KCNH1: variants seen among roughly 807,000 people sequenced by gnomAD.
The protein encoded by KCNH1 is voltage-gated delayed rectifier potassium channel KCNH1.
A neutral mutation model predicts 69.2 loss-of-function variants in KCNH1; 27 were observed. The observed-to-expected ratio is 0.39, with a 90% confidence interval of 0.29 to 0.54. KCNH1 has a LOEUF of 0.54. Ranked by LOEUF, KCNH1 falls within the 20% of genes least tolerant of loss-of-function variation. The probability of loss-of-function intolerance (pLI) is 0.68; values close to 1 mark genes in which losing one functional copy is unlikely to be tolerated. For missense variants in KCNH1, 798 were observed against 1,261.6 expected, an observed-to-expected ratio of 0.63 and a Z score of 5.57; for synonymous variants, 456 against 487.7, an observed-to-expected ratio of 0.93 and a Z score of 0.86.
intron 7 of KCNH1, among the ~76,000 whole-genome samples, chr1:210,836,071 C>T (rs1388200194): frequency 7.2e-6 from 1 of 138,856 alleles, no homozygotes; most frequent in Non-Finnish European, 1.5e-5. Context: ...AAGATTGCAC[C>T]ACTGCACTCC....
chr1:211,098,314 C>A, intron 3 of KCNH1, among the ~76,000 whole-genome samples: 1 of 134,446 alleles, frequency 7.4e-6, no homozygotes. Context: ...TAGCCAGACC[C>A]TGTCTTGAAA....
chr1:210,840,445 G>T (rs1164633480), intron 7 of KCNH1, among the ~76,000 whole-genome samples: 1 of 152,140 alleles, frequency 6.6e-6, no homozygotes, highest in African/African-American at 2.4e-5. Flanking sequence ...AACTGACTGG[G>T]GCTGCTTCGC....
intron 5 of KCNH1, among the ~76,000 whole-genome samples, chr1:211,069,628 G>C (rs887591817): frequency 1.1e-4 from 16 of 152,110 alleles, no homozygotes; most frequent in Non-Finnish European, 2.1e-4. Context: ...GAACACAGCT[G>C]AGGAAAGAAT....
At chr1:211,113,031 A>G (rs186181816) in intron 1 of KCNH1, among the ~76,000 whole-genome samples, 94 of 152,312 alleles carry the variant, frequency 6.2e-4, no homozygotes, top group Non-Finnish European at 1.0e-4. Context: ...AATGGGTACC[A>G]TTTATTGATA....
At chr1:210,933,516 TA>T (rs1291398112) in intron 6 of KCNH1, among the ~76,000 whole-genome samples, 1 of 120,642 alleles carries the variant, frequency 8.3e-6, no homozygotes, top group African/African-American at 2.9e-5. Flanking sequence ...AGTATAATAA[TA>T]ATAAAATTTA....
At chr1:210,889,517 C>A (rs928316187) in intron 7 of KCNH1, among the ~76,000 whole-genome samples, 1 of 152,212 alleles carries the variant, frequency 6.6e-6, no homozygotes, top group African/African-American at 2.4e-5. Context: ...CCCTCTCTCA[C>A]CACTCCTATT....
At chr1:210,783,725 A>G (rs995274943) in intron 9 of KCNH1, among the ~76,000 whole-genome samples, 1 of 152,198 alleles carries the variant, frequency 6.6e-6, no homozygotes, top group African/African-American at 2.4e-5. Flanking sequence ...TAAGACCACA[A>G]GGTTGCCACA....
At chr1:210,921,835 A>G (rs1687464935) in intron 6 of KCNH1, among the ~76,000 whole-genome samples, 2 of 152,186 alleles carry the variant, frequency 1.3e-5, no homozygotes, top group African/African-American at 4.8e-5. Flanking sequence ...CCCTTTCCCC[A>G]AAATCAATTT....
chr1:210,999,511 G>A (rs1689126427), intron 6 of KCNH1, among the ~76,000 whole-genome samples: 1 of 152,126 alleles, frequency 6.6e-6, no homozygotes, highest in Admixed American at 6.5e-5. Context: ...CTGAAATTGA[G>A]GCAATAATTA....
At chr1:211,082,429 T>A (rs1045330226) in intron 5 of KCNH1, among the ~76,000 whole-genome samples, 7 of 152,216 alleles carry the variant, frequency 4.6e-5, no homozygotes, top group Admixed American at 2.6e-4. Flanking sequence ...ACTACCTGTA[T>A]CTTCTTTGCC....
chr1:210,725,370 T>C (rs1032395090), intron 10 of KCNH1, among the ~76,000 whole-genome samples: 2 of 152,188 alleles, frequency 1.3e-5, no homozygotes, highest in South Asian at 4.1e-4. Flanking sequence ...ACCCTCCCTA[T>C]TCTAGATACT....
chr1:210,883,364 A>G (rs1686537226), intron 7 of KCNH1, among the ~76,000 whole-genome samples: 1 of 152,158 alleles, frequency 6.6e-6, no homozygotes. Flanking sequence ...TGATCACCAG[A>G]GGGACCAGAA....
chr1:211,079,617 G>A (rs1042107452), intron 5 of KCNH1, among the ~76,000 whole-genome samples: 1 of 152,146 alleles, frequency 6.6e-6, no homozygotes, highest in Non-Finnish European at 1.5e-5. Context: ...AGTTTATCCA[G>A]CATGATCAAG....
intron 5 of KCNH1, among the ~76,000 whole-genome samples, chr1:211,070,371 TCG>T (rs1690615474): frequency 6.8e-6 from 1 of 148,112 alleles, no homozygotes; most frequent in Non-Finnish European, 1.5e-5. Flanking sequence ...TGAGCCAAGA[TCG>T]CACCACCGCA....
chr1:211,128,002 A>G (rs562493299), intron 1 of KCNH1, among the ~76,000 whole-genome samples: 18 of 152,320 alleles, frequency 1.2e-4, no homozygotes, highest in Middle Eastern at 3.4e-3. Flanking sequence ...GTGAAAATGC[A>G]TCAACAGGCC....
At chr1:210,993,041 G>T (rs1485258940) in intron 6 of KCNH1, among the ~76,000 whole-genome samples, 1 of 152,048 alleles carries the variant, frequency 6.6e-6, no homozygotes, top group Non-Finnish European at 1.5e-5. Flanking sequence ...CACCCACATC[G>T]CTGTGATCTG....
chr1:210,922,866 C>T (rs544007558), intron 6 of KCNH1, among the ~76,000 whole-genome samples: 1 of 152,258 alleles, frequency 6.6e-6, no homozygotes, highest in Non-Finnish European at 1.5e-5. Flanking sequence ...AAATCAAACA[C>T]CACATAAGCA....
At chr1:210,861,433 G>C in intron 7 of KCNH1, 1 of 776,456 alleles carries the variant, frequency 1.3e-6, no homozygotes, top group South Asian at 1.3e-5. Context: ...TATACTCCTA[G>C]GAAACACTGC....
At chr1:211,020,361 C>T (rs558929296) in intron 5 of KCNH1, among the ~76,000 whole-genome samples, 2 of 151,858 alleles carry the variant, frequency 1.3e-5, no homozygotes, top group South Asian at 4.2e-4. Flanking sequence ...TAATCATATG[C>T]CAACAAATTG....
Sources: gnomAD v4.1 joint callset for allele counts (sites outside exome capture counted in the v4.1 genomes callset) on GRCh38, gnomAD v4.1.1 for gene constraint, MANE v1.5 for transcripts, NCBI Gene and HGNC (gene_info 2026-07-23, HGNC 2026-07-21) for gene names.